Variants in LIN28B observed in about 807,000 individuals in gnomAD.
The protein encoded by LIN28B is protein lin-28 homolog B.
LIN28B carries 5 observed loss-of-function variants against 21.9 expected under a neutral mutation model. The observed-to-expected ratio is 0.23, with a 90% CI of 0.12 to 0.48. LIN28B has a LOEUF of 0.48. Among genes scored for constraint, LIN28B ranks in the 20% least tolerant of loss-of-function variants. The pLI, the probability that LIN28B is intolerant of heterozygous loss-of-function variation, is 0.98. For missense variants in LIN28B, 245 were observed against 310.5 expected (o/e 0.79, Z 1.58); for synonymous variants, 109 against 111.3 (o/e 0.98, Z 0.13).
chr6:105,070,831 T>C (rs1772319806), intron 3 of LIN28B, among the ~76,000 whole-genome samples: 1 of 152,144 alleles, frequency 6.6e-6, no homozygotes, highest in African/African-American at 2.4e-5. Context: ...GTAACCACTC[T>C]TTATTTGTCA....
chr6:104,952,480 A>G (rs1264246609), upstream of LIN28B, among the ~76,000 whole-genome samples: 1 of 152,210 alleles, frequency 6.6e-6, no homozygotes, highest in Non-Finnish European at 1.5e-5. Flanking sequence ...TGTTAATGTA[A>G]TAGGATTTTT....
intron 2 of LIN28B, among the ~76,000 whole-genome samples, chr6:104,964,411 C>T (rs1049654688): frequency 1.3e-5 from 2 of 152,130 alleles, no homozygotes; most frequent in Non-Finnish European, 2.9e-5. Flanking sequence ...GGAAAGTTAT[C>T]TTAAATGTTA....
chr6:105,066,239 A>G (rs1772216496), intron 3 of LIN28B, among the ~76,000 whole-genome samples: 1 of 152,226 alleles, frequency 6.6e-6, no homozygotes, highest in African/African-American at 2.4e-5. Context: ...GTAATTCAGT[A>G]GTCAGTCAGC....
At chr6:105,055,186 C>T (rs1420534182) in intron 3 of LIN28B, among the ~76,000 whole-genome samples, 2 of 151,928 alleles carry the variant, frequency 1.3e-5, no homozygotes, top group Non-Finnish European at 2.9e-5. Context: ...TTTGTTGATC[C>T]ACAATGTTTT....
chr6:104,957,212 T>C lies in LIN28B; in HGVS notation c.-39T>C. Reference sequence around the variant, plus strand: ...TCACTCCGTTCCAAAGGGAAAGTTTTCATCTCACGAGTTTGGAGCTGAGGG... The same window carrying C: ...TCACTCCGTTCCAAAGGGAAAGTTTCCATCTCACGAGTTTGGAGCTGAGGG... On this transcript the variant is annotated 5_prime_UTR_variant, in exon 1 of 4. Coordinates refer to ENST00000345080, the MANE Select transcript of LIN28B (RefSeq NM_001004317.4). 1 of 1,613,984 alleles carries C rather than the reference T, an allele frequency of 6.2e-7. No homozygotes were observed. Among genetic ancestry groups the C allele is most frequent in the East Asian group, 2.2e-5 (1 of 44,852 alleles).
At chr6:105,004,749 A>AATT (rs1668115801) in intron 2 of LIN28B, among the ~76,000 whole-genome samples, 1 of 152,162 alleles carries the variant, frequency 6.6e-6, no homozygotes, top group Non-Finnish European at 1.5e-5. Context: ...TATGTCTCTA[A>AATT]AATCTTAACA....
At chr6:104,989,576 G>GTTTTTTTT (rs34394074) in intron 2 of LIN28B, among the ~76,000 whole-genome samples, 2 of 60,572 alleles carry the variant, frequency 3.3e-5, no homozygotes, top group African/African-American at 6.0e-5. Flanking sequence ...TTTTACTTGG[G>GTTTTTTTT]TTTTTTTTTT....
At chr6:105,048,143 T>G (rs1771810372) in intron 3 of LIN28B, among the ~76,000 whole-genome samples, 1 of 152,244 alleles carries the variant, frequency 6.6e-6, no homozygotes, top group African/African-American at 2.4e-5. Flanking sequence ...CAGTATGATA[T>G]TGGCTGTGGG....
At chr6:104,945,852 A>G (rs1214689147) in intron 2 of LIN28B, among the ~76,000 whole-genome samples, 2 of 152,102 alleles carry the variant, frequency 1.3e-5, no homozygotes, top group Non-Finnish European at 2.9e-5. Context: ...ACAATTTTGA[A>G]AATATGCCAG....
rs1890454 is a variant in LIN28B at position 104,978,358 on chromosome 6, G to T, written c.198+20072G>T. ...GCAGTCTCATTGGGAAGATGAGATG[G>T]TATTAAATGTAACTAGTAGAGGCCT... On this transcript the variant is annotated intron_variant, in intron 2 of 3. Coordinates refer to ENST00000345080, the MANE Select transcript of LIN28B (RefSeq NM_001004317.4). Among the ~76,000 whole-genome samples the T allele has an allele frequency of 3.2e-3, 481 of 152,268 alleles. 2 individuals are homozygous for T. In the Middle Eastern group the frequency reaches 0.034, roughly 11 times the overall value.
At chr6:104,963,894 A>G (rs12193730) in intron 2 of LIN28B, among the ~76,000 whole-genome samples, 6,912 of 152,302 alleles carry the variant, frequency 0.045, 233 homozygotes, top group East Asian at 0.14. Context: ...ATGAGTGTCA[A>G]ACCACTTACA....
At chr6:104,941,721 G>T (rs937470350) in intron 2 of LIN28B, among the ~76,000 whole-genome samples, 1 of 152,218 alleles carries the variant, frequency 6.6e-6, no homozygotes, top group Admixed American at 6.5e-5. Context: ...GAACGGGGAA[G>T]AACGCACTTG....
At chr6:105,040,916 T>A (rs1200035612) in intron 3 of LIN28B, among the ~76,000 whole-genome samples, 2 of 152,228 alleles carry the variant, frequency 1.3e-5, no homozygotes, top group East Asian at 1.9e-4. Context: ...TCTTTTATTT[T>A]TTTATTTTTT....
upstream of LIN28B, among the ~76,000 whole-genome samples, chr6:104,956,259 C>CTCCA (rs1778289183): frequency 6.6e-6 from 1 of 152,002 alleles, no homozygotes; most frequent in Non-Finnish European, 1.5e-5. Flanking sequence ...GCCCTATGTC[C>CTCCA]TCCAGCTCTT....
intron 3 of LIN28B, among the ~76,000 whole-genome samples, chr6:105,065,566 C>T (rs1189359738): frequency 1.3e-5 from 2 of 152,214 alleles, no homozygotes; most frequent in Non-Finnish European, 2.9e-5. Context: ...TTTTCCTCAG[C>T]GGTAGCTGGT....
At chr6:105,066,055 C>T (rs1452855422) in intron 3 of LIN28B, among the ~76,000 whole-genome samples, 1 of 152,152 alleles carries the variant, frequency 6.6e-6, no homozygotes, top group African/African-American at 2.4e-5. Context: ...CACCTGTAGT[C>T]CCAGGTACTT....
rs986481708 is a variant in LIN28B at position 105,081,241 on chromosome 6, C to G, written c.*2458C>G. 6.6e-6 allele frequency: 1 copy of G among 152,582 alleles called. No homozygotes were observed. The highest frequency in any genetic ancestry group is 1.5e-5 in the Non-Finnish European group (1 of 68,034). 9.5% of individuals were successfully genotyped at this position (152,582 alleles called of 1,614,324 possible). ...TATACCTTTATATAAGTATTATGTA[C>G]TGATGATAGTAACTACCTCTGAGTT... On this transcript the variant is annotated 3_prime_UTR_variant, in exon 4 of 4. Transcript: ENST00000345080.
chr6:105,018,211 C>G (rs565452648), intron 2 of LIN28B, among the ~76,000 whole-genome samples: 82 of 152,174 alleles, frequency 5.4e-4, no homozygotes, highest in African/African-American at 1.9e-3. Flanking sequence ...TGCTTGAGTC[C>G]AGGAGGTCAA....
In LIN28B at chr6:105,002,029, A is replaced by C. The variant is rs75142318; in HGVS notation, c.199-24269A>C. Among the ~76,000 whole-genome samples, 36 of 152,292 alleles carry C rather than the reference A, an allele frequency of 2.4e-4. No homozygotes were observed. In the East Asian group the frequency reaches 5.4e-3, roughly 23 times the overall value. ...TGGTGAAGCTGGGCCATTGACTTAC[A>C]TGTATCCAGCAACTTTAGTGAAAGA... On this transcript the variant is annotated intron_variant, in intron 2 of 3. Transcript: ENST00000345080.
Sources: gnomAD v4.1 joint callset for allele counts (sites outside exome capture counted in the v4.1 genomes callset) on GRCh38, gnomAD v4.1.1 for gene constraint, MANE v1.5 for transcripts, NCBI Gene and HGNC (gene_info 2026-07-23, HGNC 2026-07-21) for gene names.